The following CSMD1 variants were observed in gnomAD, a reference collection of about 807,000 sequenced individuals.
CSMD1 encodes the protein CUB and Sushi multiple domains 1, also known as CUB and sushi domain-containing protein 1.
Under a neutral mutation model 417.5 loss-of-function variants are expected in CSMD1, and 213 were observed. The ratio of observed to expected loss-of-function variants is 0.51; its 90% CI spans 0.46 to 0.57. The LOEUF is 0.57. CSMD1 is among the 20% of genes least tolerant of loss of function. The pLI, the probability that CSMD1 is intolerant of heterozygous loss-of-function variation, is 0.00. For synonymous variants in CSMD1, 2,862 were observed against 1,736.8 expected (o/e 1.65, Z -16.11); for missense variants, 6,923 against 4,529.7 (o/e 1.53, Z -15.17).
intron 1 of CSMD1, among the ~76,000 whole-genome samples, chr8:4,753,328 G>A (rs1196938920): frequency 6.6e-6 from 1 of 151,624 alleles, no homozygotes. Flanking sequence ...GGATAAAAGG[G>A]GCTAGCACTG....
chr8:4,496,436 G>T (rs1025858619), intron 2 of CSMD1, among the ~76,000 whole-genome samples: 1 of 152,174 alleles, frequency 6.6e-6, no homozygotes, highest in African/African-American at 2.4e-5. Flanking sequence ...AAACATAAAA[G>T]CCTGGACATT....
chr8:4,709,912 T>A (rs544929013), intron 1 of CSMD1, among the ~76,000 whole-genome samples: 1 of 152,188 alleles, frequency 6.6e-6, no homozygotes, highest in East Asian at 1.9e-4. Flanking sequence ...GGCCCAAGGA[T>A]TGAAAAACTA....
intron 3 of CSMD1, among the ~76,000 whole-genome samples, chr8:4,313,498 T>A (rs1446985984): frequency 1.0e-5 from 1 of 98,776 alleles, no homozygotes; most frequent in African/African-American, 4.0e-5. Flanking sequence ...AGGTCTTACA[T>A]GTCAAAATGA....
chr8:4,785,914 C>A (rs184732475), intron 1 of CSMD1, among the ~76,000 whole-genome samples: 13 of 152,148 alleles, frequency 8.5e-5, no homozygotes, highest in African/African-American at 1.7e-4. Flanking sequence ...GCACCAAAGA[C>A]TGAACCCTCC....
At chr8:3,374,118 A>T (rs1434855211) in intron 18 of CSMD1, among the ~76,000 whole-genome samples, 1 of 151,816 alleles carries the variant, frequency 6.6e-6, no homozygotes, top group East Asian at 1.9e-4. Flanking sequence ...ACAGCCAGCT[A>T]ATTTTTTGTA....
At position 3,093,741 on chromosome 8, in the gene CSMD1, GAAAC is replaced by G. The variant is rs758724285; in HGVS notation, c.7139-2083_7139-2080del. ...CATGGCAGTCCTAGGAAAGAAATGT[GAAAC>G]AAACAAACGAACAAAAAACCACAAA... On this transcript the variant is annotated intron_variant, in intron 47 of 69. Transcript: ENST00000635120. Among the ~76,000 whole-genome samples the G allele has an allele frequency of 3.3e-5, 5 of 152,038 alleles. No individual in the cohort carries two copies. In the East Asian group the frequency reaches 7.7e-4, roughly 23 times the overall value.
At chr8:3,292,951 G>T (rs1338205468) in intron 25 of CSMD1, among the ~76,000 whole-genome samples, 1 of 152,030 alleles carries the variant, frequency 6.6e-6, no homozygotes, top group Non-Finnish European at 1.5e-5. Flanking sequence ...GCATGATTTT[G>T]CAGTGGCTGG....
At chr8:4,107,192 G>GA (rs1311069542) in intron 3 of CSMD1, among the ~76,000 whole-genome samples, 1 of 152,168 alleles carries the variant, frequency 6.6e-6, no homozygotes, top group East Asian at 1.9e-4. Context: ...CAAAAAGGCT[G>GA]AAAAACACTT....
At chr8:3,486,774 G>A (rs1232181319) in intron 11 of CSMD1, among the ~76,000 whole-genome samples, 1 of 152,182 alleles carries the variant, frequency 6.6e-6, no homozygotes, top group Non-Finnish European at 1.5e-5. Context: ...TGACTCTGCT[G>A]GCTTTCCCAG....
chr8:4,249,275 T>C (rs991439796), intron 3 of CSMD1, among the ~76,000 whole-genome samples: 1 of 152,214 alleles, frequency 6.6e-6, no homozygotes, highest in Non-Finnish European at 1.5e-5. Flanking sequence ...TGTCTTTTAC[T>C]TCTAAAGTTA....
intron 3 of CSMD1, among the ~76,000 whole-genome samples, chr8:4,309,988 G>C (rs375180190): frequency 2.0e-5 from 3 of 152,118 alleles, no homozygotes; most frequent in Non-Finnish European, 2.9e-5. Context: ...TTTCACACCA[G>C]ACTAAGGAGT....
intron 10 of CSMD1, among the ~76,000 whole-genome samples, chr8:3,534,258 CACTT>C (rs1420253884): frequency 6.6e-6 from 1 of 152,188 alleles, no homozygotes; most frequent in East Asian, 1.9e-4. Flanking sequence ...TTATCTAACT[CACTT>C]ATTAATCTTT....
At chr8:3,061,217 C>T (rs939397950) in intron 49 of CSMD1, among the ~76,000 whole-genome samples, 14 of 152,144 alleles carry the variant, frequency 9.2e-5, no homozygotes, top group African/African-American at 3.1e-4. Context: ...ACCCATACCT[C>T]CTCAGCAGGG....
chr8:4,956,249 T>A (rs1435281551), intron 1 of CSMD1, among the ~76,000 whole-genome samples: 1 of 121,060 alleles, frequency 8.3e-6, no homozygotes, highest in African/African-American at 4.7e-5. Flanking sequence ...TACTCGCTAT[T>A]TTTTTTTAAT....
At chr8:4,118,397 A>C (rs1802282955) in intron 3 of CSMD1, among the ~76,000 whole-genome samples, 1 of 143,458 alleles carries the variant, frequency 7.0e-6, no homozygotes, top group Admixed American at 7.1e-5. Context: ...ACTTAAAGAA[A>C]TTTACAAAAA....
At chr8:3,142,414 T>G in intron 41 of CSMD1, 51 bp downstream of exon 41, 1 of 1,379,240 alleles carries the variant, frequency 7.3e-7, no homozygotes, top group Non-Finnish European at 1.0e-6. Flanking sequence ...ACAATTTACA[T>G]GTAAGAAGTG....
intron 3 of CSMD1, among the ~76,000 whole-genome samples, chr8:4,370,132 G>A (rs1250036043): frequency 1.3e-5 from 2 of 151,638 alleles, no homozygotes; most frequent in Non-Finnish European, 2.9e-5. Flanking sequence ...TGGTAAGGCA[G>A]GTCGAGTTTC....
intron 9 of CSMD1, among the ~76,000 whole-genome samples, chr8:3,579,204 G>C (rs914590630): frequency 6.6e-6 from 1 of 152,140 alleles, no homozygotes; most frequent in Non-Finnish European, 1.5e-5. Context: ...AAAACGTCAG[G>C]AGGGAAAGTG....
At chr8:4,941,289 T>C (rs1259109882) in intron 1 of CSMD1, among the ~76,000 whole-genome samples, 1 of 148,898 alleles carries the variant, frequency 6.7e-6, no homozygotes, top group Non-Finnish European at 1.5e-5. Flanking sequence ...CAAAAAGTTA[T>C]TTTGATGTAA....
Sources: allele counts gnomAD v4.1 joint callset (sites outside exome capture counted in the v4.1 genomes callset), GRCh38; gene constraint gnomAD v4.1.1; transcripts MANE v1.5; gene names NCBI Gene and HGNC (gene_info 2026-07-23, HGNC 2026-07-21).